The following FNBP1L variants were observed in gnomAD, a reference collection of about 807,000 sequenced individuals.
The protein encoded by FNBP1L is formin binding protein 1 like.
Under a neutral mutation model 91.2 loss-of-function variants are expected in FNBP1L, and 36 were observed. That is an observed-to-expected ratio of 0.39 (90% CI 0.30 to 0.52). FNBP1L has a LOEUF of 0.52. Ranked by LOEUF, FNBP1L falls within the 20% of genes least tolerant of loss-of-function variation. The probability of loss-of-function intolerance (pLI) is 0.66; values close to 1 mark genes in which losing one functional copy is unlikely to be tolerated. For missense variants in FNBP1L, 571 were observed against 732.1 expected, an observed-to-expected ratio of 0.78 and a Z score of 2.54; for synonymous variants, 242 against 237.0, an observed-to-expected ratio of 1.02 and a Z score of -0.19.
intron 1 of FNBP1L, among the ~76,000 whole-genome samples, chr1:93,476,690 T>C (rs1172964555): frequency 3.3e-5 from 5 of 151,850 alleles, no homozygotes; most frequent in Admixed American, 2.0e-4. Context: ...ATAATAGGTG[T>C]GTGTGAGTGG....
At position 93,535,700 on chromosome 1, in the gene FNBP1L, T is replaced by C. The variant is rs554358261; in HGVS notation, c.991-632T>C. ...GTATCTTTAAAAGCACAATTATAAT[T>C]AACTCATGCTTTATTTATGCTTTTA... On this transcript the variant is annotated intron_variant, in intron 9 of 16. Coordinates refer to ENST00000271234, the MANE Select transcript of FNBP1L (RefSeq NM_001164473.3). Among the ~76,000 whole-genome samples, 93 of 152,162 alleles carry C rather than the reference T, an allele frequency of 6.1e-4. No homozygotes were observed. The South Asian group carries it at 8.3e-3, about 14-fold the overall frequency.
Position 93,500,368 on chromosome 1 carries a change from C to T in FNBP1L, c.140+785C>T, listed in dbSNP as rs542106561. ...CTCAGGTTCCATTCATACCATCCTC[C>T]GTGTTCGTTTAGCTCTAGGTTTTAC... On this transcript the variant is annotated intron_variant, in intron 2 of 16. Coordinates refer to ENST00000271234, the MANE Select transcript of FNBP1L (RefSeq NM_001164473.3). 2.8e-4 allele frequency among the ~76,000 whole-genome samples: 43 copies of T among 152,264 alleles called. No homozygotes were observed. In the South Asian group the frequency reaches 5.6e-3, roughly 20 times the overall value.
intron 1 of FNBP1L, among the ~76,000 whole-genome samples, chr1:93,491,507 A>G (rs1019546816): frequency 1.3e-5 from 2 of 151,876 alleles, no homozygotes; most frequent in Non-Finnish European, 2.9e-5. Flanking sequence ...CTCCCATCTC[A>G]GCCTCCCCGG....
chr1:93,494,761 G>A (rs1557791204), intron 1 of FNBP1L, among the ~76,000 whole-genome samples: 1 of 152,180 alleles, frequency 6.6e-6, no homozygotes, highest in Non-Finnish European at 1.5e-5. Flanking sequence ...ATTTATAAAG[G>A]AAAGAGGTTT....
chr1:93,449,778 T>A (rs1303326287), intron 1 of FNBP1L, among the ~76,000 whole-genome samples: 1 of 152,230 alleles, frequency 6.6e-6, no homozygotes, highest in Non-Finnish European at 1.5e-5. Context: ...TTAATTCTTT[T>A]ACATTGGTTA....
chr1:93,511,362 A>G (rs1670834730), intron 2 of FNBP1L, among the ~76,000 whole-genome samples: 1 of 152,166 alleles, frequency 6.6e-6, no homozygotes, highest in African/African-American at 2.4e-5. Flanking sequence ...ACTAAGCTTC[A>G]TAAGTGAAGG....
At chr1:93,545,028 T>C (rs137916594) in intron 12 of FNBP1L, among the ~76,000 whole-genome samples, 112 of 152,276 alleles carry the variant, frequency 7.4e-4, no homozygotes, top group African/African-American at 2.6e-3. Context: ...AACCTTTTTT[T>C]ATTTGTGTTT....
intron 1 of FNBP1L, among the ~76,000 whole-genome samples, chr1:93,452,650 A>G (rs1668535066): frequency 6.6e-6 from 1 of 152,102 alleles, no homozygotes; most frequent in South Asian, 2.1e-4. Context: ...CCAGTCTTGA[A>G]CTCTGTGCTC....
intron 2 of FNBP1L, among the ~76,000 whole-genome samples, chr1:93,508,851 A>G (rs1038399958): frequency 2.0e-5 from 3 of 152,210 alleles, no homozygotes; most frequent in Non-Finnish European, 4.4e-5. Context: ...TTAGGGATCC[A>G]GGTACTTAGA....
intron 1 of FNBP1L, among the ~76,000 whole-genome samples, chr1:93,486,831 C>T (rs72721019): frequency 0.067 from 10,252 of 152,286 alleles, 398 homozygotes; most frequent in South Asian, 0.12. Flanking sequence ...GCAATGAACA[C>T]TGCTTCTACA....
chr1:93,551,659 G>A (rs1401508798), intron 16 of FNBP1L: 4 of 984,886 alleles, frequency 4.1e-6, no homozygotes, highest in Non-Finnish European at 4.8e-6. Flanking sequence ...TCTTAACTTT[G>A]GTTTCCTAAA....
intron 1 of FNBP1L, among the ~76,000 whole-genome samples, chr1:93,481,561 C>T (rs1460105967): frequency 6.6e-6 from 1 of 152,122 alleles, no homozygotes; most frequent in Non-Finnish European, 1.5e-5. Context: ...AAGCCTCTTA[C>T]TAATTTACTC....
intron 2 of FNBP1L, among the ~76,000 whole-genome samples, chr1:93,499,829 G>T (rs1332154179): frequency 6.6e-6 from 1 of 152,150 alleles, no homozygotes; most frequent in Non-Finnish European, 1.5e-5. Context: ...GAAAACTGGG[G>T]AGCAAAATGC....
At chr1:93,453,311 TATA>T (rs1668556404) in intron 1 of FNBP1L, among the ~76,000 whole-genome samples, 1 of 152,204 alleles carries the variant, frequency 6.6e-6, no homozygotes, top group Non-Finnish European at 1.5e-5. Flanking sequence ...CCATAATGAC[TATA>T]ATAAGTTGGA....
At chr1:93,530,579 A>C in intron 6 of FNBP1L, among the ~76,000 whole-genome samples, 176 bp from the exon 7 acceptor site, 1 of 141,522 alleles carries the variant, frequency 7.1e-6, no homozygotes, top group African/African-American at 3.2e-5. Context: ...GTGTCTTTAA[A>C]TATAAAATAT....
At chr1:93,470,872 CAA>C (rs560465033) in intron 1 of FNBP1L, among the ~76,000 whole-genome samples, 14 of 76,236 alleles carry the variant, frequency 1.8e-4, no homozygotes, top group Admixed American at 2.9e-4. Context: ...GACTCCATCT[CAA>C]AAAAAAAAAA....
intron 2 of FNBP1L, among the ~76,000 whole-genome samples, chr1:93,505,022 C>T (rs1670561672): frequency 6.6e-6 from 1 of 151,608 alleles, no homozygotes; most frequent in Admixed American, 6.6e-5. Context: ...AAGATTTTCT[C>T]CTATGTTTTC....
At chr1:93,528,660 A>G (rs757592241) in intron 5 of FNBP1L, among the ~76,000 whole-genome samples, 1 of 152,126 alleles carries the variant, frequency 6.6e-6, no homozygotes, top group Non-Finnish European at 1.5e-5. Flanking sequence ...CCACAGGTTG[A>G]TGGGGGAGGG....
chr1:93,552,323 G>T, intron 16 of FNBP1L, 86 bp from the exon 17 acceptor site: 1 of 1,522,790 alleles, frequency 6.6e-7, no homozygotes, highest in Non-Finnish European at 8.8e-7. Context: ...GAGACATTTG[G>T]GACAGGCACT....
Sources: gnomAD v4.1 joint callset for allele counts (sites outside exome capture counted in the v4.1 genomes callset) on GRCh38, gnomAD v4.1.1 for gene constraint, MANE v1.5 for transcripts, NCBI Gene and HGNC (gene_info 2026-07-23, HGNC 2026-07-21) for gene names.